The following TYK2 variants were observed in gnomAD, a reference collection of about 807,000 sequenced individuals.
TYK2 encodes tyrosine kinase 2, also known as non-receptor tyrosine-protein kinase TYK2.
Under a neutral mutation model 130.9 loss-of-function variants are expected in TYK2, and 65 were observed. The observed-to-expected ratio is 0.50, with a 90% CI of 0.41 to 0.61. The LOEUF is 0.61. Ranked by LOEUF, TYK2 falls within the 20% of genes least tolerant of loss-of-function variation. The pLI, the probability that TYK2 is intolerant of heterozygous loss-of-function variation, is 0.00. For missense variants in TYK2, 1,378 were observed against 1,610.7 expected (o/e 0.86, Z 2.47); for synonymous variants, 647 against 658.9 (o/e 0.98, Z 0.28).
chr19:10,370,531 T>C (rs1298843563), intron 3 of TYK2, among the ~76,000 whole-genome samples: 1 of 140,508 alleles, frequency 7.1e-6, no homozygotes, highest in Non-Finnish European at 1.5e-5. Flanking sequence ...AAAAAAATGG[T>C]ATCTGGCTGG....
At position 10,354,933 on chromosome 19, in the gene TYK2, G is replaced by A. The variant is rs11085726; in HGVS notation, c.2618-324C>T. On this transcript the variant is annotated intron_variant, in intron 18 of 24. Coordinates refer to ENST00000525621, the MANE Select transcript of TYK2 (RefSeq NM_003331.5). Reference sequence around the variant, plus strand: ...TAGCCAGGTGTGGTGGTGCATGCCTGTGGTCCCAGCTACTCAGGAGGCTGA... The same window carrying A: ...TAGCCAGGTGTGGTGGTGCATGCCTATGGTCCCAGCTACTCAGGAGGCTGA... 0.029 allele frequency among the ~76,000 whole-genome samples: 4,394 copies of A among 151,546 alleles called. 533 individuals carry two copies. In the East Asian group the frequency reaches 0.39, roughly 13 times the overall value.
Position 10,353,870 on chromosome 19 carries a change from A to AG in TYK2, c.2908+171dup. ...CTGGCCCCAGCAGGTAGCACCCCCC[A>AG]GATGGGAAGGAGGCAGCCCAGCCAC... On this transcript the variant is annotated intron_variant, in intron 20 of 24. Coordinates refer to ENST00000525621, the MANE Select transcript of TYK2 (RefSeq NM_003331.5). This position sits in a 1 kb window ranked among gnomAD's most constrained non-coding sequence, Gnocchi z 6.9. The AG allele has an allele frequency of 1.3e-6, 1 of 774,826 alleles. No individual in the cohort carries two copies. Among genetic ancestry groups the AG allele is most frequent in the Non-Finnish European group, 2.1e-6 (1 of 475,004 alleles). The allele number at this position is 774,826 out of a possible 1,614,324, so 48.0% of individuals were successfully genotyped here.
rs371919786 is a variant in TYK2, at chr19:10,364,746, G to C, written c.1235C>G (p.Ala412Gly). The change falls in exon 9 of 25, where the codon GCG (alanine) becomes GGG (glycine). Residue 412 changes from alanine to glycine, a missense_variant. Ala to Gly is a moderately conservative substitution (Grantham distance 60, BLOSUM62 0). Transcript: ENST00000525621. This position sits in a 1 kb window ranked among gnomAD's most constrained non-coding sequence, Gnocchi z 4.9. The part of the protein sequence containing the change: ...CLELSLPSRA[A>G]ALSFVSLVDG... ...CACCAGCGACACGAAGGACAGCGCC[G>C]CAGCCCGGGAAGGCAAGCTCAGCTC... The C allele has an allele frequency of 6.8e-6, 11 of 1,613,888 alleles. No individual in the cohort carries two copies. Among genetic ancestry groups the C allele is most frequent in the Non-Finnish European group, 8.5e-6 (10 of 1,179,994 alleles).
chr19:10,380,106 C>T (rs1246299209), intron 1 of TYK2, among the ~76,000 whole-genome samples: 2 of 152,326 alleles, frequency 1.3e-5, no homozygotes, highest in African/African-American at 4.8e-5. Flanking sequence ...GAGGATTTAA[C>T]GCGAGGAGGC....
intron 3 of TYK2, among the ~76,000 whole-genome samples, chr19:10,377,491 C>G (rs1338544773): frequency 8.4e-3 from 224 of 26,762 alleles, no homozygotes; most frequent in South Asian, 0.011. Context: ...TGGATGGATG[C>G]ATGGATAGGT....
At chr19:10,369,018 A>G (rs2041800457) in intron 3 of TYK2, among the ~76,000 whole-genome samples, 1 of 152,144 alleles carries the variant, frequency 6.6e-6, no homozygotes. Context: ...CATGTTGGCC[A>G]GGCTGGTCTC....
chr19:10,352,576 C>T (rs780961596), intron 22 of TYK2, 25 bp from the exon 23 acceptor site: 3 of 1,186,642 alleles, frequency 2.5e-6, no homozygotes, highest in Middle Eastern at 2.0e-4. Context: ...GCACTCAGGC[C>T]ACGGGGGGCT....
At position 10,361,487 on chromosome 19, in the gene TYK2, A is replaced by G; in HGVS notation, c.2047+24T>C. On this transcript the variant is annotated intron_variant, in intron 14 of 24. Transcript: ENST00000525621. This position sits in a 1 kb window ranked among gnomAD's most constrained non-coding sequence, Gnocchi z 4.0. ...GTCAGGGGTGGCCTGCCAAAGGGGG[A>G]TGGGTATGGCGGGACCCACTCACTT... The G allele has an allele frequency of 6.5e-7, 1 of 1,545,684 alleles. No individual in the cohort carries two copies. Among genetic ancestry groups the G allele is most frequent in the Non-Finnish European group, 8.7e-7 (1 of 1,146,326 alleles).
intron 3 of TYK2, among the ~76,000 whole-genome samples, chr19:10,372,869 T>G (rs1218412103): frequency 6.6e-6 from 1 of 152,000 alleles, no homozygotes; most frequent in Non-Finnish European, 1.5e-5. Context: ...GATACCTCCC[T>G]GTGAAACAAT....
Position 10,378,225 on chromosome 19 carries a change from G to A in TYK2, c.182C>T (p.Ala61Val). 6.2e-7 allele frequency: 1 copy of A among 1,612,818 alleles called. No individual in the cohort carries two copies. ...LTAEEVCIHI[A>V]HKVGITPPCF... ...CGCCCCAGACTCACCAACTTTATGT[G>A]CAATGTGGATGCAGACTTCCTCAGC... The change falls in exon 3 of 25, where the codon GCA becomes GTA. Residue 61 changes from alanine (A) to valine (V), a missense_variant. Ala to Val is a moderately conservative substitution (Grantham distance 64). Transcript: ENST00000525621.
intron 15 of TYK2, 132 bp from the exon 16 acceptor site, chr19:10,358,270 T>C (rs990562951): frequency 2.3e-6 from 2 of 886,686 alleles, no homozygotes; most frequent in East Asian, 5.6e-5. Context: ...TCTGTTTTGT[T>C]TTTTGGGGGG....
rs2041453734 is a variant in TYK2 at position 10,362,398 on chromosome 19, C to T, written c.1535G>A (p.Gly512Glu). 6.2e-7 allele frequency: 1 copy of T among 1,613,508 alleles called. No homozygotes were observed. The highest frequency in any genetic ancestry group is 1.7e-4 in the Middle Eastern group (1 of 6,054). ...GCCCCAGCCCTCCAGCACGAAGGCC[C>T]CGTCCTGCTGCTCAATGGGGAACTT... ...LRKFPIEQQDGAFVLEGWGRS... is the reference protein window; with the variant it reads ...LRKFPIEQQDEAFVLEGWGRS... The change falls in exon 11 of 25, where the codon GGG becomes GAG. Residue 512 changes from glycine to glutamate, a missense_variant. Transcript: ENST00000525621.
chr19:10,352,834 A>G (rs751125171), intron 22 of TYK2, 92 bp downstream of exon 22: 281 of 1,453,660 alleles, frequency 1.9e-4, no homozygotes, highest in Non-Finnish European at 2.4e-4. Context: ...CACTGGGATC[A>G]TGCCCTATCA....
intron 3 of TYK2, among the ~76,000 whole-genome samples, chr19:10,375,531 G>A (rs2042082119): frequency 1.3e-5 from 2 of 151,822 alleles, no homozygotes; most frequent in African/African-American, 4.8e-5. Context: ...GCAGGAGAAT[G>A]GCTTGAACCT....
chr19:10,357,646 C>T, intron 17 of TYK2, 118 bp downstream of exon 17: 3 of 1,422,164 alleles, frequency 2.1e-6, no homozygotes, highest in Non-Finnish European at 2.9e-6. Flanking sequence ...GCTGGTAGCC[C>T]AGAGAGACTT....
Position 10,362,070 on chromosome 19 carries a change from G to A in TYK2, c.1773+8C>T. 6.2e-7 allele frequency: 1 copy of A among 1,613,976 alleles called. No individual in the cohort carries two copies. On this transcript the variant is annotated splice_region_variant and intron_variant, in intron 12 of 24. Transcript: ENST00000525621. Reference sequence around the variant, plus strand: ...TGCCCTTGCCCCGGGCCCCTTCCCTGCACCCACCTGGGTGATCTCCTTCTG... The same window carrying A: ...TGCCCTTGCCCCGGGCCCCTTCCCTACACCCACCTGGGTGATCTCCTTCTG...
In TYK2 at chr19:10,378,426, G is replaced by A; in HGVS notation, c.-20C>T. On this transcript the variant is annotated splice_region_variant and 5_prime_UTR_variant, in exon 3 of 25. Coordinates refer to ENST00000525621, the MANE Select transcript of TYK2 (RefSeq NM_003331.5). ...AGGCATGCTCCCGGCAGGTGGCTCAGCTGGAAAGGGGACAATCTGTCAGCT... is the reference window on the plus strand; with the variant it reads ...AGGCATGCTCCCGGCAGGTGGCTCAACTGGAAAGGGGACAATCTGTCAGCT... 2 of 1,604,402 alleles carry A rather than the reference G, an allele frequency of 1.2e-6. No individual in the cohort carries two copies. Among genetic ancestry groups the A allele is most frequent in the Non-Finnish European group, 1.7e-6 (2 of 1,179,380 alleles).
intron 6 of TYK2, 52 bp from the exon 7 acceptor site, chr19:10,365,950 G>T: frequency 6.5e-7 from 1 of 1,537,974 alleles, no homozygotes; most frequent in Non-Finnish European, 8.8e-7. Context: ...TGCAGGCCCA[G>T]CTGGGTGACA....
chr19:10,356,651 G>A lies in TYK2; in HGVS notation c.2534C>T (p.Thr845Ile), dbSNP rs1209330159. Residue 845 changes from threonine to isoleucine, a missense_variant, in exon 18 of 25, where the codon ACC (threonine) becomes ATC (isoleucine). Coordinates refer to ENST00000525621, the MANE Select transcript of TYK2 (RefSeq NM_003331.5). ...TGGCTCATAGGTCAGACACTGGCTG[G>A]TGAGTGTGGCCAGCTGTGGGCAGGA... Reference protein sequence around the residue: ...EPSCPQLATLTSQCLTYEPTQ... With the variant: ...EPSCPQLATLISQCLTYEPTQ... The A allele has an allele frequency of 5.0e-6, 8 of 1,613,364 alleles. No individual in the cohort carries two copies. The highest frequency in any genetic ancestry group is 6.8e-6 in the Non-Finnish European group (8 of 1,179,802).
Sources: gnomAD v4.1 joint callset for allele counts (sites outside exome capture counted in the v4.1 genomes callset) on GRCh38, gnomAD v4.1.1 for gene constraint, Gnocchi (gnomAD v3.1) non-coding constraint, MANE v1.5 for transcripts, NCBI Gene and HGNC (gene_info 2026-07-23, HGNC 2026-07-21) for gene names.